Variants in PELP1 observed in about 807,000 individuals in gnomAD.
The protein encoded by PELP1 is proline, glutamate and leucine rich protein 1.
A neutral mutation model predicts 95.5 loss-of-function variants in PELP1; 32 were observed. The observed-to-expected ratio is 0.34, with a 90% confidence interval of 0.25 to 0.45. PELP1 has a LOEUF of 0.45. Ranked by LOEUF, PELP1 falls within the 20% of genes least tolerant of loss-of-function variation. The pLI is 1.00. For synonymous variants in PELP1, 668 were observed against 600.1 expected, an observed-to-expected ratio of 1.11 and a Z score of -1.65; for missense variants, 1,358 against 1,444.8, an observed-to-expected ratio of 0.94 and a Z score of 0.97.
Position 4,672,338 on chromosome 17 carries a change from T to C in PELP1, c.2653A>G (p.Ser885Gly), listed in dbSNP as rs1241999335. The change falls in exon 16 of 17, where the codon AGC (serine) becomes GGC (glycine). Residue 885 changes from serine to glycine, a missense_variant. Transcript: ENST00000572293. ...EEDLTVININ[S>G]SDEEEEEEEE... ...TCTTCCTCCTCCTCTTCATCACTGCTGTTGATATTAATAACTGTCAAATCC... is the reference window on the plus strand; with the variant it reads ...TCTTCCTCCTCCTCTTCATCACTGCCGTTGATATTAATAACTGTCAAATCC... 1 of 1,553,666 alleles carries C rather than the reference T, an allele frequency of 6.4e-7. No individual in the cohort carries two copies. Among genetic ancestry groups the C allele is most frequent in the Non-Finnish European group, 8.7e-7 (1 of 1,148,088 alleles).
chr17:4,679,376 A>G (rs1252238877), intron 5 of PELP1, among the ~76,000 whole-genome samples: 1 of 152,174 alleles, frequency 6.6e-6, no homozygotes, highest in African/African-American at 2.4e-5. Context: ...CTGTCTGACA[A>G]AAGGTTGAGA....
Position 4,675,645 on chromosome 17 carries a change from C to T in PELP1, c.1068+152G>A, listed in dbSNP as rs750212038. 4.1e-6 allele frequency: 3 copies of T among 726,238 alleles called. No individual in the cohort carries two copies. The African/African-American group carries it at 5.2e-5, about 13-fold the overall frequency. The allele number at this position is 726,238 out of a possible 1,614,324, so 45.0% of individuals were successfully genotyped here. On this transcript the variant is annotated intron_variant, in intron 9 of 16. Transcript: ENST00000572293. The surrounding 1 kb of genome is among the most constrained non-coding windows in gnomAD (Gnocchi z 4.3). ...CTGACACTGTGCTCCTGTGTCACGA[C>T]ACATAGGAAGTGATGTTATTTGGAC...
chr17:4,691,063 A>T (rs1913078791), intron 2 of PELP1, 70 bp from the exon 3 acceptor site: 1 of 1,090,734 alleles, frequency 9.2e-7, no homozygotes, highest in Non-Finnish European at 1.4e-6. Context: ...CTGCTCTTTT[A>T]TTCTCACTAG....
intron 1 of PELP1, among the ~76,000 whole-genome samples, chr17:4,692,056 C>T (rs963651092): frequency 2.0e-5 from 3 of 152,140 alleles, no homozygotes; most frequent in South Asian, 2.1e-4. Context: ...CGGCGTGCAT[C>T]GTTCCTTCTT....
At position 4,676,159 on chromosome 17, in the gene PELP1, G is replaced by A; in HGVS notation, c.857C>T (p.Pro286Leu). Reference sequence around the variant, plus strand: ...CACCCCAGGGCCTTCATTCTGCACAGGAGCTGGCAGAAGCACAACTACCCT... The same window carrying A: ...CACCCCAGGGCCTTCATTCTGCACAAGAGCTGGCAGAAGCACAACTACCCT... ...GALYEGAETA[P>L]VQNEGPGVEM... Residue 286 changes from proline (P) to leucine (L), a missense_variant, in exon 8 of 17, where the codon CCT (proline) becomes CTT (leucine). Transcript: ENST00000572293. 1 of 1,613,822 alleles carries A rather than the reference G, an allele frequency of 6.2e-7. No homozygotes were observed. Among genetic ancestry groups the A allele is most frequent in the Middle Eastern group, 1.7e-4 (1 of 6,060 alleles).
chr17:4,699,952 G>C (rs1279526326), intron 1 of PELP1, among the ~76,000 whole-genome samples: 1 of 130,926 alleles, frequency 7.6e-6, no homozygotes. Context: ...ACCCAGGCTA[G>C]AGTGCAGAGG....
At chr17:4,691,085 A>C (rs993827540) in intron 2 of PELP1, 92 bp from the exon 3 acceptor site, 5 of 898,106 alleles carry the variant, frequency 5.6e-6, no homozygotes, top group Admixed American at 4.1e-5. Context: ...CTACAGCAAG[A>C]CTTCATCCCC....
At chr17:4,690,837 G>T in intron 3 of PELP1, 51 bp downstream of exon 3, 1 of 1,127,908 alleles carries the variant, frequency 8.9e-7, no homozygotes, top group South Asian at 1.2e-5. Context: ...ATCCAAGATG[G>T]GGAATAAGAT....
Position 4,675,643 on chromosome 17 carries a change from G to A in PELP1, c.1068+154C>T, listed in dbSNP as rs193085865. 223 of 724,952 alleles carry A rather than the reference G, an allele frequency of 3.1e-4. No individual in the cohort carries two copies. The highest frequency in any genetic ancestry group is 1.3e-3 in the Admixed American group (64 of 49,958). The allele number at this position is 724,952 out of a possible 1,614,324, so 44.9% of individuals were successfully genotyped here. On this transcript the variant is annotated intron_variant, in intron 9 of 16. Coordinates refer to ENST00000572293, the MANE Select transcript of PELP1 (RefSeq NM_014389.3). This position sits in a 1 kb window ranked among gnomAD's most constrained non-coding sequence, Gnocchi z 4.3. Reference sequence around the variant, plus strand: ...CTCTGACACTGTGCTCCTGTGTCACGACACATAGGAAGTGATGTTATTTGG... The same window carrying A: ...CTCTGACACTGTGCTCCTGTGTCACAACACATAGGAAGTGATGTTATTTGG...
intron 6 of PELP1, 58 bp from the exon 7 acceptor site, chr17:4,676,565 C>G: frequency 6.3e-7 from 1 of 1,592,926 alleles, no homozygotes; most frequent in East Asian, 2.2e-5. Context: ...CCACAGAACC[C>G]CCAGCCCCAC....
chr17:4,669,869 AAC>A lies in PELP1; in HGVS notation c.*1568_*1569del, dbSNP rs1359445538. On this transcript the variant is annotated 3_prime_UTR_variant, in exon 17 of 17. Transcript: ENST00000572293. The stretch of plus-strand genomic sequence containing the variant: ...TAATGGTATCAGGATTGTGCAGAAA[AAC>A]ATTCTTATCTTAGAAGATAATTCAT... 3 of 152,200 alleles carry A rather than the reference AAC, an allele frequency of 2.0e-5. No individual in the cohort carries two copies. The highest frequency in any genetic ancestry group is 7.2e-5 in the African/African-American group (3 of 41,442). 9.4% of individuals were successfully genotyped at this position (152,200 alleles called of 1,614,324 possible). A position where few individuals can be genotyped will look rare whatever the true frequency, so the allele number is the denominator to read the frequency against.
At chr17:4,691,605 T>C in intron 1 of PELP1, 163 bp from the exon 2 acceptor site, 1 of 610,050 alleles carries the variant, frequency 1.6e-6, no homozygotes, top group South Asian at 2.1e-5. Context: ...TTTTCCCCTT[T>C]TTTCCTGTGG....
In PELP1 at chr17:4,672,937, G is replaced by A; in HGVS notation, c.2054C>T (p.Ser685Leu). The change falls in exon 16 of 17, where the codon TCA (serine) becomes TTA (leucine). Residue 685 changes from serine (S) to leucine (L), a missense_variant. Ser to Leu is a moderately radical substitution (Grantham distance 145, BLOSUM62 -2). Around this residue, in one of 7 missense-constraint regions of PELP1, gnomAD observed 340 missense variants for 322.9 expected, o/e 1.05. Coordinates refer to ENST00000572293, the MANE Select transcript of PELP1 (RefSeq NM_014389.3). ...GSMPSAGPMPSAGPMPSAGPV... is the reference protein window; with the variant it reads ...GSMPSAGPMPLAGPMPSAGPV... ...GCCTGCTGAGGGCATGGGGCCTGCT[G>A]AAGGCATGGGGCCTGCTGAGGGCAT... 6.2e-7 allele frequency: 1 copy of A among 1,609,308 alleles called. No individual in the cohort carries two copies. Among genetic ancestry groups the A allele is most frequent in the Non-Finnish European group, 8.5e-7 (1 of 1,177,084 alleles).
At chr17:4,701,356 T>A (rs1913528313) in intron 1 of PELP1, among the ~76,000 whole-genome samples, 1 of 151,904 alleles carries the variant, frequency 6.6e-6, no homozygotes, top group Non-Finnish European at 1.5e-5. Flanking sequence ...AGGGAGGGAT[T>A]CCAAGAGAAG....
At chr17:4,702,959 C>G (rs1441672182) in intron 1 of PELP1, among the ~76,000 whole-genome samples, 3 of 152,054 alleles carry the variant, frequency 2.0e-5, no homozygotes, top group Admixed American at 2.0e-4. Flanking sequence ...AAAGAGTGGA[C>G]AGATCTGAAA....
intron 3 of PELP1, 106 bp from the exon 4 acceptor site, chr17:4,683,058 G>A (rs1886599577): frequency 7.3e-7 from 1 of 1,361,424 alleles, no homozygotes; most frequent in African/African-American, 1.5e-5. Context: ...GTTAATGTCA[G>A]TCTGACCATC....
At position 4,682,919 on chromosome 17, in the gene PELP1, C is replaced by T. The variant is rs377643428; in HGVS notation, c.454G>A (p.Val152Met). The T allele has an allele frequency of 7.7e-6, 12 of 1,554,134 alleles. No homozygotes were observed. The highest frequency in any genetic ancestry group is 1.0e-5 in the Non-Finnish European group (12 of 1,154,388). The change falls in exon 4 of 17, where the codon GTG (valine) becomes ATG (methionine). Residue 152 changes from valine (V) to methionine (M), a missense_variant. Transcript: ENST00000572293. ...QDPPATMELA[V>M]AVLRDLLRYA... is the part of the protein sequence containing the mutation. ...CGGAGGAGGTCCCTCAGGACAGCCA[C>T]GGCCAGCTCCATTGTGGCAGGCGGG...
chr17:4,684,947 C>G (rs914390922), intron 3 of PELP1, among the ~76,000 whole-genome samples: 2 of 152,164 alleles, frequency 1.3e-5, no homozygotes, highest in Non-Finnish European at 2.9e-5. Context: ...TATCTGCCTG[C>G]CTTGGCCTCC....
Position 4,674,590 on chromosome 17 carries a change from A to C in PELP1, c.1502T>G (p.Val501Gly), listed in dbSNP as rs769818141. The C allele has an allele frequency of 2.5e-6, 4 of 1,610,096 alleles. No homozygotes were observed. The highest frequency in any genetic ancestry group is 3.4e-6 in the Non-Finnish European group (4 of 1,178,726). ...PSAPKKLKLD[V>G]GEAMAPPSHR... ...GCTTGGCGGGGCCATAGCTTCCCCCACATCCAGCTTTAGCTTCTTGGGGGC... is the reference window on the plus strand; with the variant it reads ...GCTTGGCGGGGCCATAGCTTCCCCCCCATCCAGCTTTAGCTTCTTGGGGGC... The change falls in exon 13 of 17, where the codon GTG becomes GGG. Residue 501 changes from valine to glycine, a missense_variant. Physicochemically the swap from Val to Gly is moderately radical, Grantham distance 109 (BLOSUM62 -3). Transcript: ENST00000572293.
Sources: gnomAD v4.1 joint callset for allele counts (sites outside exome capture counted in the v4.1 genomes callset) on GRCh38, gnomAD v4.1.1 for gene constraint, gnomAD v4.1.1 regional missense constraint, Gnocchi (gnomAD v3.1) non-coding constraint, MANE v1.5 for transcripts, NCBI Gene and HGNC (gene_info 2026-07-23, HGNC 2026-07-21) for gene names.